The following PCDHA5 variants were observed in gnomAD, a reference collection of about 807,000 sequenced individuals.
PCDHA5 encodes protocadherin alpha-5.
In PCDHA5, 43 loss-of-function variants were observed where a neutral mutation model predicts 61.6. That is an observed-to-expected ratio of 0.70 (90% CI 0.55 to 0.90). The LOEUF (loss-of-function observed/expected upper bound fraction) is 0.90. PCDHA5 is among the 40% of genes least tolerant of loss of function. PCDHA5 has a pLI of 0.00. For missense variants in PCDHA5, 1,298 were observed against 1,222.7 expected (o/e 1.06, Z -0.92); for synonymous variants, 627 against 543.9 (o/e 1.15, Z -2.13).
intron 1 of PCDHA5, among the ~76,000 whole-genome samples, chr5:140,899,982 A>AT (rs1290251020): frequency 2.0e-5 from 3 of 150,600 alleles, no homozygotes; most frequent in African/African-American, 4.9e-5. Context: ...TACTTTTTTG[A>AT]TTTTTTTTGT....
intron 1 of PCDHA5, among the ~76,000 whole-genome samples, chr5:140,894,053 T>C (rs782239740): frequency 2.4e-4 from 37 of 152,336 alleles, no homozygotes; most frequent in Non-Finnish European, 5.1e-4. Context: ...CTCTGTTGAA[T>C]TGATTTTTAA....
Position 140,842,281 on chromosome 5 carries a change from T to G in PCDHA5, c.2352+18154T>G, listed in dbSNP as rs1777847899. On this transcript the variant is annotated intron_variant, in intron 1 of 3. Coordinates refer to ENST00000529859, the MANE Select transcript of PCDHA5 (RefSeq NM_018908.3). Reference sequence around the variant, plus strand: ...AAGAAAACTTATACAAAATCCTCATTGACGCCACGGACAAAGGCCATCCTC... The same window carrying G: ...AAGAAAACTTATACAAAATCCTCATGGACGCCACGGACAAAGGCCATCCTC... 3 of 1,610,824 alleles carry G rather than the reference T, an allele frequency of 1.9e-6. No individual in the cohort carries two copies. The East Asian group carries it at 6.7e-5, about 36-fold the overall frequency.
chr5:140,971,958 CT>C (rs1176007834), intron 1 of PCDHA5, among the ~76,000 whole-genome samples: 2 of 152,172 alleles, frequency 1.3e-5, no homozygotes, highest in African/African-American at 2.4e-5. Context: ...ACTCCAAAAA[CT>C]TTTTTTCAAT....
intron 1 of PCDHA5, chr5:140,869,538 T>C (rs536846543): frequency 1.2e-6 from 2 of 1,614,204 alleles, no homozygotes; most frequent in East Asian, 4.5e-5. Context: ...TTGCGGAATC[T>C]AAGCAATCGG....
At chr5:140,881,321 T>C (rs1396829121) in intron 1 of PCDHA5, 1 of 983,920 alleles carries the variant, frequency 1.0e-6, no homozygotes, top group Non-Finnish European at 1.2e-6. Context: ...TTAAATTCTA[T>C]TTAACCAGGA....
chr5:140,983,444 TC>T (rs1554245415), intron 3 of PCDHA5, among the ~76,000 whole-genome samples: 1 of 152,224 alleles, frequency 6.6e-6, no homozygotes. Context: ...TCTACTCTAA[TC>T]CTCTATTAAT....
At chr5:140,977,936 A>G (rs1444613652) in intron 1 of PCDHA5, among the ~76,000 whole-genome samples, 2 of 152,202 alleles carry the variant, frequency 1.3e-5, no homozygotes, top group African/African-American at 4.8e-5. Context: ...CTATACCTCA[A>G]TATTCAGTGA....
At chr5:140,926,018 G>C (rs1489789521) in intron 1 of PCDHA5, among the ~76,000 whole-genome samples, 1 of 152,122 alleles carries the variant, frequency 6.6e-6, no homozygotes, top group Non-Finnish European at 1.5e-5. Context: ...CCAGAGTCCG[G>C]AGGCAGTTTG....
At chr5:140,997,615 T>C (rs900460811) in intron 3 of PCDHA5, among the ~76,000 whole-genome samples, 5 of 152,096 alleles carry the variant, frequency 3.3e-5, no homozygotes, top group Non-Finnish European at 7.3e-5. Context: ...CATGACTATA[T>C]AGAGATTTTC....
intron 1 of PCDHA5, among the ~76,000 whole-genome samples, chr5:140,833,579 G>A (rs1397865134): frequency 6.6e-6 from 1 of 152,168 alleles, no homozygotes; most frequent in East Asian, 1.9e-4. Context: ...ATGAACTCCT[G>A]AAACAGTATA....
At chr5:140,966,802 G>A in intron 1 of PCDHA5, 4 of 1,542,100 alleles carry the variant, frequency 2.6e-6, no homozygotes, top group Non-Finnish European at 2.6e-6. Context: ...CGGCGACAGA[G>A]CATCCACGGC....
At chr5:140,983,470 A>G (rs782117929) in intron 3 of PCDHA5, among the ~76,000 whole-genome samples, 16 of 152,224 alleles carry the variant, frequency 1.1e-4, no homozygotes, top group Non-Finnish European at 1.5e-4. Context: ...CATCATGATG[A>G]TAATAGTAGT....
intron 3 of PCDHA5, among the ~76,000 whole-genome samples, chr5:140,993,470 ACAC>A: frequency 8.7e-6 from 1 of 115,268 alleles, no homozygotes; most frequent in South Asian, 2.9e-4. Context: ...TCTCACACAC[ACAC>A]ACACACACAC....
At chr5:141,001,978 A>G (rs1331599524) in intron 3 of PCDHA5, among the ~76,000 whole-genome samples, 1 of 152,166 alleles carries the variant, frequency 6.6e-6, no homozygotes, top group Non-Finnish European at 1.5e-5. Context: ...TCTGCGCGGA[A>G]AGCCTGGAAG....
chr5:141,004,274 A>T (rs2098160407), intron 3 of PCDHA5, among the ~76,000 whole-genome samples: 1 of 152,212 alleles, frequency 6.6e-6, no homozygotes, highest in Admixed American at 6.5e-5. Flanking sequence ...CACAGTCTAC[A>T]TGCTGCTGAG....
chr5:140,966,205 CT>C, intron 1 of PCDHA5: 1 of 226,680 alleles, frequency 4.4e-6, no homozygotes. Flanking sequence ...GGCTTGACTG[CT>C]TTTCCCAGAC....
chr5:140,998,497 G>A (rs1367409428), intron 3 of PCDHA5, among the ~76,000 whole-genome samples: 2 of 152,090 alleles, frequency 1.3e-5, no homozygotes, highest in East Asian at 3.8e-4. Flanking sequence ...TTTGAGAACA[G>A]GGTACTTGTC....
At chr5:140,875,691 C>A (rs1554167867) in intron 1 of PCDHA5, 2 of 1,614,036 alleles carry the variant, frequency 1.2e-6, no homozygotes, top group South Asian at 1.1e-5. Flanking sequence ...GACACGGGGA[C>A]CTTCTGGAGG....
At chr5:140,972,453 G>A (rs2096536665) in intron 1 of PCDHA5, among the ~76,000 whole-genome samples, 3 of 151,360 alleles carry the variant, frequency 2.0e-5, no homozygotes, top group South Asian at 2.1e-4. Context: ...TTTTTCTCTT[G>A]TTGCTTATTA....
Sources: allele counts gnomAD v4.1 joint callset (sites outside exome capture counted in the v4.1 genomes callset), GRCh38; gene constraint gnomAD v4.1.1; transcripts MANE v1.5; gene names NCBI Gene and HGNC (gene_info 2026-07-23, HGNC 2026-07-21).